The following ARHGAP26 variants were observed in gnomAD, a reference collection of about 807,000 sequenced individuals.
ARHGAP26 encodes the protein Rho GTPase activating protein 26, also known as rho GTPase-activating protein 26.
Under a neutral mutation model 104.8 loss-of-function variants are expected in ARHGAP26, and 38 were observed. That is an observed-to-expected ratio of 0.36 (90% CI 0.28 to 0.48). The LOEUF is 0.48. Ranked by LOEUF, ARHGAP26 falls within the 20% of genes least tolerant of loss-of-function variation. ARHGAP26 has a pLI of 0.99. For synonymous variants in ARHGAP26, 341 were observed against 340.0 expected, an observed-to-expected ratio of 1.00 and a Z score of -0.03; for missense variants, 704 against 947.9, an observed-to-expected ratio of 0.74 and a Z score of 3.38.
chr5:143,059,421 C>T (rs922140786), intron 17 of ARHGAP26, among the ~76,000 whole-genome samples: 2 of 152,120 alleles, frequency 1.3e-5, no homozygotes, highest in East Asian at 1.9e-4. Context: ...TTTTAAATTT[C>T]CTTTAGGATT....
At chr5:142,987,422 A>G (rs1331553249) in intron 11 of ARHGAP26, among the ~76,000 whole-genome samples, 5 of 152,224 alleles carry the variant, frequency 3.3e-5, no homozygotes, top group Non-Finnish European at 7.3e-5. Context: ...TTCTAAATAT[A>G]CAATCATGTC....
chr5:143,106,935 T>A (rs1794109915), intron 17 of ARHGAP26, among the ~76,000 whole-genome samples: 1 of 152,214 alleles, frequency 6.6e-6, no homozygotes, highest in Non-Finnish European at 1.5e-5. Flanking sequence ...CTCACAGGTC[T>A]CTTCCCTAGA....
At chr5:142,998,725 C>A (rs886956823) in intron 11 of ARHGAP26, among the ~76,000 whole-genome samples, 3 of 151,880 alleles carry the variant, frequency 2.0e-5, no homozygotes, top group Non-Finnish European at 4.4e-5. Context: ...CCCTGTTTCC[C>A]CACCCCCTAA....
chr5:142,995,014 T>A (rs1445301917), intron 11 of ARHGAP26, among the ~76,000 whole-genome samples: 1 of 152,036 alleles, frequency 6.6e-6, no homozygotes, highest in Admixed American at 6.6e-5. Context: ...AAAAATTAAC[T>A]CCAGATGGAT....
At chr5:143,091,220 G>A (rs1791390470) in intron 17 of ARHGAP26, among the ~76,000 whole-genome samples, 1 of 152,222 alleles carries the variant, frequency 6.6e-6, no homozygotes. Flanking sequence ...TGTATGAACA[G>A]CAGTCTCAGT....
intron 6 of ARHGAP26, among the ~76,000 whole-genome samples, chr5:142,894,863 G>A (rs931472663): frequency 3.3e-5 from 5 of 152,194 alleles, no homozygotes; most frequent in Non-Finnish European, 7.4e-5. Flanking sequence ...ACATGGATTT[G>A]TTATAAACAG....
intron 1 of ARHGAP26, among the ~76,000 whole-genome samples, chr5:142,795,046 TTC>T (rs200007427): frequency 3.3e-5 from 5 of 151,954 alleles, no homozygotes; most frequent in South Asian, 2.1e-4. Context: ...TATCTTCTTC[TTC>T]TTTTTTTTTA....
chr5:142,824,434 G>T (rs114362328), intron 1 of ARHGAP26, among the ~76,000 whole-genome samples: 2,069 of 152,296 alleles, frequency 0.014, 56 homozygotes, highest in African/African-American at 0.048. Context: ...AGTACTTACT[G>T]GTTTAGCTGA....
intron 17 of ARHGAP26, 136 bp from the exon 18 acceptor site, chr5:143,120,852 C>T: frequency 2.8e-6 from 2 of 720,102 alleles, no homozygotes; most frequent in Non-Finnish European, 4.3e-6. Context: ...ACTCCTGTGG[C>T]ATCTGACGAT....
At chr5:142,787,911 T>C (rs1561840791) in intron 1 of ARHGAP26, among the ~76,000 whole-genome samples, 2 of 152,162 alleles carry the variant, frequency 1.3e-5, no homozygotes, top group Non-Finnish European at 2.9e-5. Flanking sequence ...AAGTATATTG[T>C]GTGAAGACTT....
At chr5:143,163,971 T>A (rs562602969) in intron 20 of ARHGAP26, among the ~76,000 whole-genome samples, 47 of 151,956 alleles carry the variant, frequency 3.1e-4, no homozygotes, top group Non-Finnish European at 5.1e-4. Context: ...ATTTGATCAT[T>A]TGCATGTGTT....
At chr5:143,103,005 G>T (rs1027991406) in intron 17 of ARHGAP26, among the ~76,000 whole-genome samples, 34 of 152,008 alleles carry the variant, frequency 2.2e-4, no homozygotes, top group African/African-American at 8.0e-4. Flanking sequence ...TCACAGGGGG[G>T]ATCTGACATC....
chr5:143,110,282 G>C (rs1400766817), intron 17 of ARHGAP26, among the ~76,000 whole-genome samples: 1 of 152,212 alleles, frequency 6.6e-6, no homozygotes, highest in East Asian at 1.9e-4. Context: ...AACTGGAGGA[G>C]TCTGTCTTGT....
In ARHGAP26 at chr5:142,808,250, A is replaced by T. The variant is rs1416274897; in HGVS notation, c.154+37335A>T. On this transcript the variant is annotated intron_variant, in intron 1 of 22. Coordinates refer to ENST00000645722, the MANE Select transcript of ARHGAP26 (RefSeq NM_001135608.3). ...ACATTGTCTCGGAAAAAAAAAAAAA[A>T]AAAAAAAAAAAAAAAAAAAAAAAAA... Among the ~76,000 whole-genome samples, 91 of 137,530 alleles carry T rather than the reference A, an allele frequency of 6.6e-4. 1 individual carries two copies. Among genetic ancestry groups the T allele is most frequent in the South Asian group, 1.8e-3 (8 of 4,468 alleles). The allele number at this position is 137,530 out of a possible 152,430, so 90.2% of individuals were successfully genotyped here. A position where few individuals can be genotyped will look rare whatever the true frequency, so the allele number is the denominator to read the frequency against.
intron 10 of ARHGAP26, among the ~76,000 whole-genome samples, chr5:142,925,536 T>C (rs1290802228): frequency 6.6e-6 from 1 of 152,218 alleles, no homozygotes; most frequent in African/African-American, 2.4e-5. Flanking sequence ...TAAATGAAGC[T>C]CTTCTGAACC....
At chr5:142,987,699 G>A (rs11950522) in intron 11 of ARHGAP26, among the ~76,000 whole-genome samples, 4,055 of 152,226 alleles carry the variant, frequency 0.027, 91 homozygotes, top group Admixed American at 0.063. Context: ...AGAGTTTTTA[G>A]CATGAAGAGC....
At chr5:143,049,906 C>G (rs1784756650) in intron 14 of ARHGAP26, among the ~76,000 whole-genome samples, 1 of 152,190 alleles carries the variant, frequency 6.6e-6, no homozygotes, top group Non-Finnish European at 1.5e-5. Flanking sequence ...TTCTACGGCT[C>G]TCCTTCTGAT....
intron 11 of ARHGAP26, chr5:142,946,979 G>A (rs1320209894): frequency 6.6e-6 from 1 of 151,982 alleles, no homozygotes; most frequent in Non-Finnish European, 1.5e-5. Flanking sequence ...CAGAGCAAAG[G>A]GAGTGCGGCC....
At chr5:143,002,016 A>G (rs535918094) in intron 11 of ARHGAP26, among the ~76,000 whole-genome samples, 1 of 152,292 alleles carries the variant, frequency 6.6e-6, no homozygotes, top group Non-Finnish European at 1.5e-5. Context: ...ATAACATAAC[A>G]TTCACCTTCT....
Sources: gnomAD v4.1 joint callset for allele counts (sites outside exome capture counted in the v4.1 genomes callset) on GRCh38, gnomAD v4.1.1 for gene constraint, MANE v1.5 for transcripts, NCBI Gene and HGNC (gene_info 2026-07-23, HGNC 2026-07-21) for gene names.